The following SH3KBP1 variants were observed in gnomAD, a reference collection of about 807,000 sequenced individuals.
SH3KBP1 encodes SH3 domain containing kinase binding protein 1.
In SH3KBP1, 8 loss-of-function variants were observed where a neutral mutation model predicts 50.1. That is an observed-to-expected ratio of 0.16 (90% CI 0.09 to 0.29). SH3KBP1 has a LOEUF of 0.29. Ranked by LOEUF, SH3KBP1 falls within the 10% of genes least tolerant of loss-of-function variation. SH3KBP1 has a pLI of 1.00. For missense variants in SH3KBP1, 377 were observed against 535.2 expected (o/e 0.70, Z 2.92); for synonymous variants, 227 against 218.6 (o/e 1.04, Z -0.34).
At chrX:19,672,009 G>T (rs1415734908) in intron 6 of SH3KBP1, among the ~76,000 whole-genome samples, 1 of 111,923 alleles carries the variant, frequency 8.9e-6, no homozygotes, top group East Asian at 2.8e-4. Context: ...TGCCTGCACT[G>T]TATCTAACTC....
chrX:19,764,266 A>G (rs1458751364), intron 2 of SH3KBP1, among the ~76,000 whole-genome samples: 1 of 110,758 alleles, frequency 9.0e-6, no homozygotes, highest in Non-Finnish European at 1.9e-5. Flanking sequence ...CACTGATCAG[A>G]GCTAACACAG....
At chrX:19,657,380 GAA>G (rs58287030) in intron 6 of SH3KBP1, among the ~76,000 whole-genome samples, 52 of 66,934 alleles carry the variant, frequency 7.8e-4, no homozygotes, top group Admixed American at 1.5e-3. Context: ...ATCCTGCCTC[GAA>G]AAAAAAAAAA....
intron 5 of SH3KBP1, among the ~76,000 whole-genome samples, chrX:19,692,562 TACACATATATATACAC>T (rs756132784): frequency 3.2e-4 from 34 of 107,868 alleles, no homozygotes; most frequent in Middle Eastern, 4.3e-3. Flanking sequence ...AACATATATA[TACACATATATATACAC>T]ACACATATAT....
intron 3 of SH3KBP1, among the ~76,000 whole-genome samples, chrX:19,733,007 G>A (rs1446847432): frequency 8.9e-6 from 1 of 111,792 alleles, no homozygotes; most frequent in Non-Finnish European, 1.9e-5. Flanking sequence ...TGGCTGACTA[G>A]AATAAGCTGT....
At position 19,588,653 on chromosome X, in the gene SH3KBP1, T is replaced by G; in HGVS notation, c.1288A>C (p.Thr430Pro). 8.3e-7 allele frequency: 1 copy of G among 1,207,002 alleles called. No homozygotes were observed. The highest frequency in any genetic ancestry group is 1.1e-6 in the Non-Finnish European group (1 of 893,859). ...RRPERPVGPL[T>P]HTRGDSPKID... ...AGAGCACAGCAGTACCTGGTGTGTGTCAGCGGACCCACCGGTCTCTCCGGC... is the reference window on the plus strand; with the variant it reads ...AGAGCACAGCAGTACCTGGTGTGTGGCAGCGGACCCACCGGTCTCTCCGGC... Residue 430 changes from threonine (T) to proline (P), a missense_variant, in exon 12 of 18, where the codon ACA becomes CCA. Around this residue, in one of 3 missense-constraint regions of SH3KBP1, gnomAD observed 257 missense variants for 374.2 expected, o/e 0.69. Transcript: ENST00000397821.
chrX:19,540,295 G>A (rs1602392385), intron 16 of SH3KBP1, among the ~76,000 whole-genome samples: 1 of 110,868 alleles, frequency 9.0e-6, no homozygotes, highest in South Asian at 3.9e-4. Flanking sequence ...CCAGGCTGGG[G>A]TAAGTCCAAG....
At chrX:19,562,578 C>T (rs188610332) in intron 13 of SH3KBP1, among the ~76,000 whole-genome samples, 76 of 111,717 alleles carry the variant, frequency 6.8e-4, no homozygotes, top group African/African-American at 2.1e-3. Flanking sequence ...CTCCAGAATA[C>T]GGCACTAGAA....
chrX:19,712,614 G>A (rs1350915130), intron 3 of SH3KBP1, among the ~76,000 whole-genome samples: 18 of 111,329 alleles, frequency 1.6e-4, no homozygotes, highest in Non-Finnish European at 3.0e-4. Flanking sequence ...ACCACTGGGC[G>A]AAAGCTTGTT....
At chrX:19,750,832 A>C (rs1390857432) in intron 2 of SH3KBP1, among the ~76,000 whole-genome samples, 1 of 111,874 alleles carries the variant, frequency 8.9e-6, no homozygotes, top group Non-Finnish European at 1.9e-5. Flanking sequence ...GTCAGGAAAA[A>C]AAAAAACAAC....
At chrX:19,597,715 G>A (rs1311558654) in intron 9 of SH3KBP1, among the ~76,000 whole-genome samples, 2 of 112,342 alleles carry the variant, frequency 1.8e-5, no homozygotes, top group Non-Finnish European at 3.8e-5. Flanking sequence ...TGCCGTGTCT[G>A]GCAGCATAAT....
At chrX:19,687,736 G>C (rs573148462) in intron 5 of SH3KBP1, 3 of 976,198 alleles carry the variant, frequency 3.1e-6, no homozygotes, top group East Asian at 3.1e-5. Context: ...AAACAAGAGA[G>C]GGGGGAGGAG....
chrX:19,862,445 T>C (rs781299029), intron 1 of SH3KBP1, among the ~76,000 whole-genome samples: 128 of 112,107 alleles, frequency 1.1e-3, no homozygotes, highest in Non-Finnish European at 1.5e-3. Flanking sequence ...CTTTGGAATA[T>C]TGTCCCCATA....
intron 3 of SH3KBP1, among the ~76,000 whole-genome samples, chrX:19,722,553 T>C (rs200335087): frequency 4.0e-5 from 4 of 100,965 alleles, no homozygotes; most frequent in Admixed American, 1.1e-4. Context: ...TGTGTGTGTG[T>C]GTGCGCGTGC....
intron 3 of SH3KBP1, among the ~76,000 whole-genome samples, chrX:19,722,565 C>G (rs1196898451): frequency 1.1e-5 from 1 of 90,821 alleles, no homozygotes; most frequent in East Asian, 3.5e-4. Context: ...TGCGCGTGCG[C>G]ACTGGTGTGT....
intron 2 of SH3KBP1, among the ~76,000 whole-genome samples, chrX:19,828,105 G>C (rs948582959): frequency 7.2e-5 from 8 of 111,188 alleles, no homozygotes; most frequent in Non-Finnish European, 1.3e-4. Context: ...AAAGTCAGAA[G>C]ATAATGTAGA....
intron 1 of SH3KBP1, among the ~76,000 whole-genome samples, chrX:19,885,238 T>C (rs747389066): frequency 8.9e-6 from 1 of 112,037 alleles, no homozygotes; most frequent in East Asian, 2.8e-4. Context: ...GATCACTCCA[T>C]TGGAAGACAT....
chrX:19,858,223 G>A (rs1380893190), intron 1 of SH3KBP1, among the ~76,000 whole-genome samples: 4 of 111,164 alleles, frequency 3.6e-5, no homozygotes, highest in African/African-American at 1.3e-4. Flanking sequence ...AATTAAAAAG[G>A]AAGAGGTTGC....
At chrX:19,538,529 A>G (rs976061813) in intron 16 of SH3KBP1, among the ~76,000 whole-genome samples, 2 of 108,594 alleles carry the variant, frequency 1.8e-5, no homozygotes, top group Non-Finnish European at 3.8e-5. Flanking sequence ...TTTTTATTGC[A>G]GATGTTTTTA....
At chrX:19,571,231 C>G (rs182792514) in intron 12 of SH3KBP1, among the ~76,000 whole-genome samples, 1 of 112,099 alleles carries the variant, frequency 8.9e-6, no homozygotes, top group African/African-American at 3.2e-5. Context: ...CCAAGCTAGG[C>G]TGAAATAGAA....
Sources: gnomAD v4.1 joint callset for allele counts (sites outside exome capture counted in the v4.1 genomes callset) on GRCh38, gnomAD v4.1.1 for gene constraint, gnomAD v4.1.1 regional missense constraint, MANE v1.5 for transcripts, NCBI Gene and HGNC (gene_info 2026-07-23, HGNC 2026-07-21) for gene names.